MGAT4C: variants seen among roughly 807,000 people sequenced by gnomAD.
MGAT4C encodes the protein MGAT4 family member C.
MGAT4C carries 19 observed loss-of-function variants against 40.1 expected under a neutral mutation model. The ratio of observed to expected loss-of-function variants is 0.47; its 90% CI spans 0.33 to 0.70. The LOEUF (loss-of-function observed/expected upper bound fraction) is 0.70. Among genes scored for constraint, MGAT4C ranks in the 30% least tolerant of loss-of-function variants. MGAT4C has a pLI of 0.02. For missense variants in MGAT4C, 491 were observed against 563.2 expected (o/e 0.87, Z 1.30); for synonymous variants, 181 against 187.1 (o/e 0.97, Z 0.27).
At chr12:86,154,718 A>C (rs1207777453) in intron 1 of MGAT4C, among the ~76,000 whole-genome samples, 1 of 152,226 alleles carries the variant, frequency 6.6e-6, no homozygotes, top group African/African-American at 2.4e-5. Flanking sequence ...CGTTTTTGGC[A>C]CACCAACCAT....
chr12:86,739,014 C>T (rs541351422), intron 1 of MGAT4C, among the ~76,000 whole-genome samples: 1 of 149,944 alleles, frequency 6.7e-6, no homozygotes, highest in African/African-American at 2.4e-5. Flanking sequence ...GAATAAATGC[C>T]ATTAAATGAT....
At chr12:86,837,123 G>A (rs1462572087) in intron 1 of MGAT4C, among the ~76,000 whole-genome samples, 2 of 152,038 alleles carry the variant, frequency 1.3e-5, no homozygotes, top group Non-Finnish European at 2.9e-5. Flanking sequence ...ACCAGACTGG[G>A]AGCAATCTCA....
At chr12:86,408,479 C>CTCTCTCTCTATA (rs1267344319) in intron 3 of MGAT4C, among the ~76,000 whole-genome samples, 42 of 63,344 alleles carry the variant, frequency 6.6e-4, no homozygotes, top group East Asian at 2.2e-3. Context: ...CTCTCTCTCT[C>CTCTCTCTCTATA]TATATATATA....
At chr12:86,343,202 T>C (rs1406384572) in intron 3 of MGAT4C, among the ~76,000 whole-genome samples, 1 of 152,136 alleles carries the variant, frequency 6.6e-6, no homozygotes, top group Non-Finnish European at 1.5e-5. Context: ...AAAAGAAACA[T>C]ACATATACTG....
chr12:86,128,573 T>C (rs1880676663), intron 1 of MGAT4C, among the ~76,000 whole-genome samples: 1 of 152,172 alleles, frequency 6.6e-6, no homozygotes, highest in Admixed American at 6.5e-5. Flanking sequence ...GGTATGTCTT[T>C]ATCACCAGTG....
intron 1 of MGAT4C, among the ~76,000 whole-genome samples, chr12:86,764,460 A>G (rs1951466014): frequency 6.6e-6 from 1 of 151,856 alleles, no homozygotes; most frequent in Non-Finnish European, 1.5e-5. Flanking sequence ...AAAAGACAGC[A>G]GTAACCTCTG....
intron 2 of MGAT4C, among the ~76,000 whole-genome samples, chr12:86,570,986 G>A (rs1960340900): frequency 6.6e-6 from 1 of 151,854 alleles, no homozygotes. Context: ...GCTAACTTTT[G>A]TATTTTTTAG....
intron 2 of MGAT4C, among the ~76,000 whole-genome samples, chr12:86,506,129 A>T (rs1958469173): frequency 2.0e-5 from 3 of 152,178 alleles, no homozygotes; most frequent in Non-Finnish European, 4.4e-5. Context: ...AAGAGATGAG[A>T]AAACTGTTTC....
intron 2 of MGAT4C, among the ~76,000 whole-genome samples, chr12:86,725,430 A>G (rs1950805065): frequency 6.6e-6 from 1 of 152,166 alleles, no homozygotes; most frequent in Non-Finnish European, 1.5e-5. Flanking sequence ...CACGGAGGCT[A>G]AAACATCAGC....
chr12:86,547,693 T>C (rs1478011362), intron 2 of MGAT4C, among the ~76,000 whole-genome samples: 1 of 152,148 alleles, frequency 6.6e-6, no homozygotes, highest in Non-Finnish European at 1.5e-5. Context: ...ATGATCTGAA[T>C]ATACGATGCA....
chr12:86,452,905 A>G lies in MGAT4C; in HGVS notation c.-228-17640T>C, dbSNP rs540235880. Among the ~76,000 whole-genome samples, 8 of 152,242 alleles carry G rather than the reference A, an allele frequency of 5.3e-5. No individual in the cohort carries two copies. The East Asian group carries it at 1.4e-3, about 26-fold the overall frequency. ...AAGGGGATGGAAGAGAATGGAGGTA[A>G]ATGATGGGCTTGCTACAATGCATAT... is the stretch of plus-strand genomic sequence containing the variant. On this transcript the variant is annotated intron_variant, in intron 2 of 7. Coordinates refer to the MGAT4C transcript ENST00000548651.
chr12:86,530,522 A>T (rs1958963165), intron 2 of MGAT4C, among the ~76,000 whole-genome samples: 1 of 151,972 alleles, frequency 6.6e-6, no homozygotes, highest in Admixed American at 6.6e-5. Flanking sequence ...AGCAACACTA[A>T]CTCTTGCAGG....
At chr12:86,493,157 T>G (rs187092946) in intron 2 of MGAT4C, among the ~76,000 whole-genome samples, 5,719 of 150,504 alleles carry the variant, frequency 0.038, 516 homozygotes, top group East Asian at 0.26. Flanking sequence ...ACAGGTGCTG[T>G]AGAGGATGTG....
intron 2 of MGAT4C, among the ~76,000 whole-genome samples, chr12:86,602,765 A>C (rs1031280483): frequency 6.6e-6 from 1 of 152,100 alleles, no homozygotes; most frequent in Non-Finnish European, 1.5e-5. Flanking sequence ...TGATTTAATT[A>C]AGATTACTGA....
chr12:86,147,847 T>C (rs1025696271), intron 1 of MGAT4C, among the ~76,000 whole-genome samples: 3 of 152,142 alleles, frequency 2.0e-5, no homozygotes, highest in Non-Finnish European at 4.4e-5. Flanking sequence ...TTATGATATA[T>C]AGGTAAGGGA....
At chr12:86,682,692 A>G (rs1950004026) in intron 2 of MGAT4C, among the ~76,000 whole-genome samples, 1 of 152,162 alleles carries the variant, frequency 6.6e-6, no homozygotes, top group South Asian at 2.1e-4. Flanking sequence ...TTGCTATTAA[A>G]TGAACTAGTA....
intron 4 of MGAT4C, among the ~76,000 whole-genome samples, chr12:86,268,605 T>C (rs1198971207): frequency 1.4e-5 from 2 of 145,954 alleles, no homozygotes; most frequent in Non-Finnish European, 1.5e-5. Flanking sequence ...CTTAATAAAA[T>C]ATTTTGTTGT....
intron 1 of MGAT4C, among the ~76,000 whole-genome samples, chr12:86,203,313 G>A (rs553309809): frequency 6.6e-6 from 1 of 152,158 alleles, no homozygotes; most frequent in South Asian, 2.1e-4. Flanking sequence ...TCCAAGGGTA[G>A]GCTAGAACTC....
intron 3 of MGAT4C, among the ~76,000 whole-genome samples, chr12:86,428,295 A>G (rs1458555039): frequency 6.6e-6 from 1 of 152,182 alleles, no homozygotes; most frequent in East Asian, 1.9e-4. Flanking sequence ...TAATATAAGT[A>G]GGGTTTGAAC....
Sources: gnomAD v4.1 joint callset for allele counts (sites outside exome capture counted in the v4.1 genomes callset) on GRCh38, gnomAD v4.1.1 for gene constraint, MANE v1.5 for transcripts, NCBI Gene and HGNC (gene_info 2026-07-23, HGNC 2026-07-21) for gene names.